HGFAC: variants seen among roughly 807,000 people sequenced by gnomAD.
The protein encoded by HGFAC is hepatocyte growth factor activator serine protease.
HGFAC carries 76 observed loss-of-function variants against 70.6 expected under a neutral mutation model. The observed-to-expected ratio is 1.08, with a 90% CI of 0.89 to 1.30. The LOEUF (loss-of-function observed/expected upper bound fraction) is 1.30, where lower values mean the gene tolerates loss of function less well. Ranked by LOEUF, HGFAC falls within the 50% of genes most tolerant of loss-of-function variation. The pLI is 0.00. For missense variants in HGFAC, 1,044 were observed against 933.7 expected (o/e 1.12, Z -1.54); for synonymous variants, 464 against 405.3 (o/e 1.14, Z -1.74).
In HGFAC at chr4:3,449,428, C is replaced by A. The variant is rs747909127; in HGVS notation, c.*9C>A. The A allele has an allele frequency of 3.3e-6, 5 of 1,523,724 alleles. No individual in the cohort carries two copies. The highest frequency in any genetic ancestry group is 4.4e-6 in the Non-Finnish European group (5 of 1,133,150). The allele number at this position is 1,523,724 out of a possible 1,614,324, so 94.4% of individuals were successfully genotyped here. On this transcript the variant is annotated 3_prime_UTR_variant, in exon 14 of 14. Coordinates refer to ENST00000382774, the MANE Select transcript of HGFAC (RefSeq NM_001528.4). The stretch of plus-strand genomic sequence containing the variant: ...TTGTGGCTCCCTCCTGACCCTCCAG[C>A]GGGACACCCTGGTTCCCACCATTCC...
At position 3,444,094 on chromosome 4, in the gene HGFAC, T is replaced by C. The variant is rs755641582; in HGVS notation, c.531T>C (p.Asn177=). The change falls in exon 5 of 14, where the codon AAT becomes AAC. Residue 177 remains asparagine (N), a synonymous_variant. Coordinates refer to ENST00000382774, the MANE Select transcript of HGFAC (RefSeq NM_001528.4). ...GPCLNGGSCS[N]TQDPQSYHCS... The stretch of plus-strand genomic sequence containing the variant: ...GCCTCAATGGAGGCTCCTGCTCCAA[T>C]ACCCAGGACCCCCAGTCCTATCACT... 8 of 1,611,910 alleles carry C rather than the reference T, an allele frequency of 5.0e-6. No homozygotes were observed. In the East Asian group the frequency reaches 1.1e-4, roughly 22 times the overall value.
rs758106422 is a variant in HGFAC at position 3,442,045 on chromosome 4, G to A, written c.44G>A (p.Gly15Glu). 16 of 1,540,650 alleles carry A rather than the reference G, an allele frequency of 1.0e-5. No individual in the cohort carries two copies. Among genetic ancestry groups the A allele is most frequent in the Admixed American group, 4.3e-5 (2 of 46,366 alleles). ...GTCCCCAGCCCCTGGCCCCCACCGG[G>A]GCTGGGCCCCTTCCTCCTCCTCCTC... ...AWVPSPWPPPGLGPFLLLLLL... is the reference protein window; with the variant it reads ...AWVPSPWPPPELGPFLLLLLL... The change falls in exon 1 of 14, where the codon GGG becomes GAG. Residue 15 changes from glycine to glutamate, a missense_variant. By Grantham distance (98) the Gly-to-Glu change is moderately conservative (BLOSUM62 -2). Transcript: ENST00000382774.
In HGFAC at chr4:3,444,384, C is replaced by T. The variant is rs372890331; in HGVS notation, c.672C>T (p.His224=). ...GDRWARVRQG[H]VEQCECFGGR... Reference sequence around the variant, plus strand: ...GCTGGGCCCGCGTGCGCCAGGGCCACGTGGAACAGTGCGAGTGCTTCGGGG... The same window carrying T: ...GCTGGGCCCGCGTGCGCCAGGGCCATGTGGAACAGTGCGAGTGCTTCGGGG... The change falls in exon 6 of 14, where the codon CAC becomes CAT. Residue 224 remains histidine (H), a synonymous_variant. Transcript: ENST00000382774. 1.4e-5 allele frequency: 23 copies of T among 1,604,700 alleles called. No homozygotes were observed. The highest frequency in any genetic ancestry group is 5.1e-5 in the Admixed American group (3 of 58,834).
intron 11 of HGFAC, 84 bp from the exon 12 acceptor site, chr4:3,447,811 G>A: frequency 6.4e-7 from 1 of 1,563,956 alleles, no homozygotes; most frequent in Non-Finnish European, 8.7e-7. Context: ...GACCCCACTG[G>A]CTACCCTCCC....
At chr4:3,442,324 C>A (rs1725344823) in intron 1 of HGFAC, among the ~76,000 whole-genome samples, 1 of 152,162 alleles carries the variant, frequency 6.6e-6, no homozygotes, top group Admixed American at 6.5e-5. Context: ...GCTCACGGAG[C>A]CCCACCTGGG....
intron 9 of HGFAC, 50 bp from the exon 10 acceptor site, chr4:3,445,992 G>A (rs1391519610): frequency 1.2e-6 from 2 of 1,600,136 alleles, no homozygotes; most frequent in African/African-American, 1.3e-5. Context: ...TGTGGAAGGG[G>A]GCTGGCCCTG....
Position 3,444,156 on chromosome 4 carries a change from G to T in HGFAC, c.593G>T (p.Gly198Val). 1 of 1,606,698 alleles carries T rather than the reference G, an allele frequency of 6.2e-7. No individual in the cohort carries two copies. The highest frequency in any genetic ancestry group is 8.5e-7 in the Non-Finnish European group (1 of 1,177,288). The change falls in exon 5 of 14, where the codon GGC (glycine) becomes GTC (valine). Residue 198 changes from glycine (G) to valine (V), a missense_variant. Gly to Val is a moderately radical substitution (Grantham distance 109). Transcript: ENST00000382774. The stretch of plus-strand genomic sequence containing the variant: ...CGGGCCTTCACCGGCAAGGACTGCG[G>T]CACAGGTGAGCTGGGCCTCGGAGGT... ...CPRAFTGKDCGTEKCFDETRY... is the reference protein window; with the variant it reads ...CPRAFTGKDCVTEKCFDETRY...
intron 1 of HGFAC, 49 bp from the exon 2 acceptor site, chr4:3,442,683 C>G: frequency 7.6e-7 from 1 of 1,321,626 alleles, no homozygotes; most frequent in Non-Finnish European, 1.0e-6. Flanking sequence ...CCGGCAGGAC[C>G]TGAGTGTGAG....
chr4:3,446,160 T>A lies in HGFAC; in HGVS notation c.1221T>A (p.Arg407=). The change falls in exon 10 of 14, where the codon CGT becomes CGA. Residue 407 remains arginine, a synonymous_variant. Coordinates refer to ENST00000382774, the MANE Select transcript of HGFAC (RefSeq NM_001528.4). ...RHKKRTFLRP[R]IIGGSSSLPG... is the part of the protein sequence containing the mutation. ...AGAAGAGGACGTTCCTGCGGCCACG[T>A]ATCATCGGCGGCTCCTCCTCGCTGC... The A allele has an allele frequency of 6.2e-7, 1 of 1,611,566 alleles. No homozygotes were observed. The highest frequency in any genetic ancestry group is 8.5e-7 in the Non-Finnish European group (1 of 1,179,430).
At position 3,447,960 on chromosome 4, in the gene HGFAC, T is replaced by C. The variant is rs1725579133; in HGVS notation, c.1561T>C (p.Cys521Arg). The C allele has an allele frequency of 6.3e-7, 1 of 1,599,898 alleles. No homozygotes were observed. The highest frequency in any genetic ancestry group is 1.1e-5 in the South Asian group (1 of 89,014). The stretch of plus-strand genomic sequence containing the variant: ...ACGCTCGCAGTTCGTGCAGCCCATC[T>C]GCCTGCCCGAGCCCGGCAGCACCTT... ...ATRSQFVQPI[C>R]LPEPGSTFPA... is the part of the protein sequence containing the mutation. Residue 521 changes from cysteine to arginine, a missense_variant, in exon 12 of 14, where the codon TGC (cysteine) becomes CGC (arginine). Cys to Arg is a radical substitution (Grantham distance 180). Coordinates refer to ENST00000382774, the MANE Select transcript of HGFAC (RefSeq NM_001528.4).
Position 3,442,017 on chromosome 4 carries a change from T to C in HGFAC, c.16T>C (p.Trp6Arg). 6.6e-7 allele frequency: 1 copy of C among 1,506,790 alleles called. No individual in the cohort carries two copies. Among genetic ancestry groups the C allele is most frequent in the Middle Eastern group, 1.9e-4 (1 of 5,220 alleles). 93.3% of individuals were successfully genotyped at this position (1,506,790 alleles called of 1,614,324 possible). Residue 6 changes from tryptophan to arginine, a missense_variant, in exon 1 of 14, where the codon TGG (tryptophan) becomes CGG (arginine). Coordinates refer to ENST00000382774, the MANE Select transcript of HGFAC (RefSeq NM_001528.4). ...CTCAGGAGCCATGGGGCGCTGGGCC[T>C]GGGTCCCCAGCCCCTGGCCCCCACC... MGRWA[W>R]VPSPWPPPGL...
Position 3,447,510 on chromosome 4 carries a change from C to T in HGFAC, c.1374C>T (p.Val458=). The change falls in exon 11 of 14, where the codon GTC becomes GTT. Residue 458 remains valine, a synonymous_variant. Transcript: ENST00000382774. ...TGCACAGCCCCCCCAGGGACAGCGT[C>T]TCCGTGGTGCTGGGCCAGCACTTCT... ...CFSHSPPRDS[V]SVVLGQHFFN... is the part of the protein sequence containing the mutation. 1.2e-6 allele frequency: 2 copies of T among 1,612,642 alleles called. No individual in the cohort carries two copies. Among genetic ancestry groups the T allele is most frequent in the Non-Finnish European group, 1.7e-6 (2 of 1,179,896 alleles).
In HGFAC at chr4:3,448,035, A is replaced by T; in HGVS notation, c.1636A>T (p.Asn546Tyr). 1 of 1,553,992 alleles carries T rather than the reference A, an allele frequency of 6.4e-7. No individual in the cohort carries two copies. The highest frequency in any genetic ancestry group is 8.7e-7 in the Non-Finnish European group (1 of 1,149,674). The change falls in exon 12 of 14, where the codon AAC (asparagine) becomes TAC (tyrosine). Residue 546 changes from asparagine to tyrosine, a missense_variant and splice_region_variant. Asn to Tyr is a moderately radical substitution (Grantham distance 143, BLOSUM62 -2). Transcript: ENST00000382774. ...TGCGGGCTGGGGCCACTTGGATGAG[A>T]GTGAGTTGGGAGGGGGGCGCCCAGC... ...QIAGWGHLDENVSGYSSSLRE... is the reference protein window; with the variant it reads ...QIAGWGHLDEYVSGYSSSLRE...
chr4:3,443,477 G>T (rs892090761), intron 4 of HGFAC, 57 bp downstream of exon 4: 19 of 1,124,576 alleles, frequency 1.7e-5, no homozygotes, highest in Admixed American at 1.0e-4. Flanking sequence ...CAGGCCAGAA[G>T]GGCCAAGGGG....
Position 3,443,965 on chromosome 4 carries a change from G to C in HGFAC, c.476-74G>C, listed in dbSNP as rs1330463477. On this transcript the variant is annotated intron_variant, in intron 4 of 13. Transcript: ENST00000382774. ...TCACTGGGGCCTGATGGACGCCTTA[G>C]CAAGCAGAGAATGTCACAGAGGGAC... is the stretch of plus-strand genomic sequence containing the variant. 8 of 1,480,404 alleles carry C rather than the reference G, an allele frequency of 5.4e-6. No homozygotes were observed. In the South Asian group the frequency reaches 8.1e-5, roughly 15 times the overall value. 91.7% of individuals were successfully genotyped at this position (1,480,404 alleles called of 1,614,324 possible).
rs994534961 is a variant in HGFAC, at chr4:3,448,345, C to A, written c.1785+69C>A. Reference sequence around the variant, plus strand: ...CAGCTGGTCCTGAGTCTCCGAGATGCTTGCCCCTGGGGAGCCCAGAGCCTG... The same window carrying A: ...CAGCTGGTCCTGAGTCTCCGAGATGATTGCCCCTGGGGAGCCCAGAGCCTG... On this transcript the variant is annotated intron_variant, in intron 13 of 13. Coordinates refer to ENST00000382774, the MANE Select transcript of HGFAC (RefSeq NM_001528.4). 21 of 1,547,522 alleles carry A rather than the reference C, an allele frequency of 1.4e-5. No individual in the cohort carries two copies. The East Asian group carries it at 4.7e-4, about 34-fold the overall frequency.
rs375032864 is a variant in HGFAC at position 3,445,254 on chromosome 4, A to G, written c.1017-11A>G. 6.4e-7 allele frequency: 1 copy of G among 1,562,082 alleles called. No individual in the cohort carries two copies. Among genetic ancestry groups the G allele is most frequent in the African/African-American group, 1.4e-5 (1 of 73,434 alleles). On this transcript the variant is annotated splice_polypyrimidine_tract_variant and intron_variant, in intron 8 of 13. Transcript: ENST00000382774. ...TGTGACTCCCTGCCAGCCCCCACTT[A>G]TGCACCGCAGGAATCCGGACAATGA...
chr4:3,445,989 G>A, intron 9 of HGFAC, 53 bp from the exon 10 acceptor site: 10 of 1,599,046 alleles, frequency 6.3e-6, no homozygotes, highest in Non-Finnish European at 8.5e-6. Flanking sequence ...GTGTGTGGAA[G>A]GGGGCTGGCC....
intron 1 of HGFAC, 30 bp downstream of exon 1, chr4:3,442,148 A>G: frequency 6.6e-7 from 1 of 1,508,478 alleles, no homozygotes; most frequent in Non-Finnish European, 8.9e-7. Flanking sequence ...CAGTGCGACC[A>G]GAGGTTCCCA....
Sources: allele counts gnomAD v4.1 joint callset (sites outside exome capture counted in the v4.1 genomes callset), GRCh38; gene constraint gnomAD v4.1.1; transcripts MANE v1.5; gene names NCBI Gene and HGNC (gene_info 2026-07-23, HGNC 2026-07-21).